The following NXN variants were observed in gnomAD, a reference collection of about 807,000 sequenced individuals.
NXN encodes the protein nucleoredoxin, also known as nucleoredoxin 1.
Under a neutral mutation model 48.6 loss-of-function variants are expected in NXN, and 16 were observed. The ratio of observed to expected loss-of-function variants is 0.33; its 90% CI spans 0.22 to 0.50. The LOEUF is 0.50. Among genes scored for constraint, NXN ranks in the 20% least tolerant of loss-of-function variants. The pLI, the probability that NXN is intolerant of heterozygous loss-of-function variation, is 0.98. For missense variants in NXN, 492 were observed against 605.5 expected (o/e 0.81, Z 1.97); for synonymous variants, 281 against 269.6 (o/e 1.04, Z -0.41).
intron 1 of NXN, among the ~76,000 whole-genome samples, chr17:865,105 T>C (rs918949605): frequency 6.6e-6 from 1 of 152,180 alleles, no homozygotes; most frequent in Admixed American, 6.5e-5. Flanking sequence ...GAAGTCATCT[T>C]TCTCGCTCGA....
At chr17:930,662 GTCCTAT>G (rs971667096) in intron 1 of NXN, among the ~76,000 whole-genome samples, 5 of 152,094 alleles carry the variant, frequency 3.3e-5, no homozygotes, top group African/African-American at 9.6e-5. Flanking sequence ...CGTTCCCAAA[GTCCTAT>G]TGAAGGATAA....
chr17:839,814 A>C (rs1459635430), intron 1 of NXN, among the ~76,000 whole-genome samples: 2 of 141,568 alleles, frequency 1.4e-5, no homozygotes, highest in Non-Finnish European at 3.1e-5. Flanking sequence ...AAAAAAAAAA[A>C]GGCCAGGCAC....
At position 979,384 on chromosome 17, in the gene NXN, G is replaced by A; in HGVS notation, c.295C>T (p.Gln99Ter). 1 of 1,526,610 alleles carries A rather than the reference G, an allele frequency of 6.6e-7. No homozygotes were observed. The highest frequency in any genetic ancestry group is 8.8e-7 in the Non-Finnish European group (1 of 1,137,852). 94.6% of individuals were successfully genotyped at this position (1,526,610 alleles called of 1,614,324 possible). A position where few individuals can be genotyped will look rare whatever the true frequency, so the allele number is the denominator to read the frequency against. ...ATGTCCCGCACGAAGTCCTGCCACT[G>A]CCGCTGGTCCTGGTCCGAGGACACG... Reference protein sequence around the residue: ...VFVSSDQDQRQWQDFVRDMPW... With the variant: ...VFVSSDQDQR The change falls in exon 1 of 8, where the codon CAG (glutamine) becomes TAG (stop). Residue 99 changes from glutamine (Q) to a stop codon, truncating the protein, a stop_gained. Transcript: ENST00000336868. LOFTEE classifies it high-confidence loss of function.
chr17:816,651 G>A lies in NXN; in HGVS notation c.820+2788C>T, dbSNP rs557771326. Among the ~76,000 whole-genome samples the A allele has an allele frequency of 1.2e-4, 19 of 152,224 alleles. No individual in the cohort carries two copies. The East Asian group carries it at 2.9e-3, about 23-fold the overall frequency. On this transcript the variant is annotated intron_variant, in intron 5 of 7. Coordinates refer to ENST00000336868, the MANE Select transcript of NXN (RefSeq NM_022463.5). Reference sequence around the variant, plus strand: ...ATCTGCACGATTAGGGTGAGTCTCCGCTCTAGACCTATACGCTCTGCAAAG... The same window carrying A: ...ATCTGCACGATTAGGGTGAGTCTCCACTCTAGACCTATACGCTCTGCAAAG...
intron 1 of NXN, chr17:878,413 G>GCAGGGGAGGGGT (rs2068242206): frequency 7.5e-6 from 1 of 134,090 alleles, no homozygotes; most frequent in African/African-American, 2.9e-5. Context: ...GGGTTTGGGG[G>GCAGGGGAGGGGT]TGGGGGAGGG....
In NXN at chr17:979,607, G is replaced by A. The variant is rs2069514379; in HGVS notation, c.72C>T (p.His24=). 1 of 1,463,096 alleles carries A rather than the reference G, an allele frequency of 6.8e-7. No individual in the cohort carries two copies. Among genetic ancestry groups the A allele is most frequent in the Middle Eastern group, 1.8e-4 (1 of 5,582 alleles). 90.6% of individuals were successfully genotyped at this position (1,463,096 alleles called of 1,614,324 possible). A position where few individuals can be genotyped will look rare whatever the true frequency, so the allele number is the denominator to read the frequency against. The change falls in exon 1 of 8, where the codon CAC becomes CAT. Residue 24 remains histidine (H), a synonymous_variant. Coordinates refer to ENST00000336868, the MANE Select transcript of NXN (RefSeq NM_022463.5). ...VTGGGEEVDV[H]SLGARGISLL... ...GCGAGATGCCGCGGGCGCCCAGCGA[G>A]TGCACGTCCACCTCCTCGCCGCCGC...
Position 955,769 on chromosome 17 carries a change from G to A in NXN, c.360+23550C>T, listed in dbSNP as rs186117798. 3.6e-4 allele frequency among the ~76,000 whole-genome samples: 55 copies of A among 152,198 alleles called. No homozygotes were observed. The East Asian group carries it at 9.8e-3, about 27-fold the overall frequency. On this transcript the variant is annotated intron_variant, in intron 1 of 7. Transcript: ENST00000336868. Reference sequence around the variant, plus strand: ...CAAAAAAAATTAGCCGGGCGTGGTGGCGGGCGCCTGTAGTCCCAGCAACTC... The same window carrying A: ...CAAAAAAAATTAGCCGGGCGTGGTGACGGGCGCCTGTAGTCCCAGCAACTC...
chr17:938,403 C>T (rs1301643341), intron 1 of NXN, among the ~76,000 whole-genome samples: 1 of 152,234 alleles, frequency 6.6e-6, no homozygotes, highest in African/African-American at 2.4e-5. Context: ...CCAGCCCGGC[C>T]GGGCGCGGCG....
In NXN at chr17:978,187, T is replaced by C. The variant is rs1304531938; in HGVS notation, c.360+1132A>G. 3 of 152,202 alleles carry C rather than the reference T, an allele frequency of 2.0e-5. No homozygotes were observed. Among genetic ancestry groups the C allele is most frequent in the African/African-American group, 7.2e-5 (3 of 41,436 alleles). The allele number at this position is 152,202 out of a possible 1,614,324, so 9.4% of individuals were successfully genotyped here. ...AAACTAAACGCCCCCAGAATAGCCC[T>C]TCTGTCCACTCCAGAAACAGGCTTT... is the stretch of plus-strand genomic sequence containing the variant. On this transcript the variant is annotated intron_variant, in intron 1 of 7. Transcript: ENST00000336868. This position sits in a 1 kb window ranked among gnomAD's most constrained non-coding sequence, Gnocchi z 4.1.
Position 841,535 on chromosome 17 carries a change from A to T in NXN, c.361-15457T>A, listed in dbSNP as rs78054018. On this transcript the variant is annotated intron_variant, in intron 1 of 7. Coordinates refer to ENST00000336868, the MANE Select transcript of NXN (RefSeq NM_022463.5). ...GGCGAGCAGGTCCCCCCGACCATGGAGCATCTCACGCCGGCGAGCAGGTCC... is the reference window on the plus strand; with the variant it reads ...GGCGAGCAGGTCCCCCCGACCATGGTGCATCTCACGCCGGCGAGCAGGTCC... Among the ~76,000 whole-genome samples, 32 of 8,036 alleles carry T rather than the reference A, an allele frequency of 4.0e-3. 4 individuals carry two copies. The highest frequency in any genetic ancestry group is 0.021 in the African/African-American group (31 of 1,496). 5.3% of individuals were successfully genotyped at this position (8,036 alleles called of 152,430 possible). A position where few individuals can be genotyped will look rare whatever the true frequency, so the allele number is the denominator to read the frequency against.
At chr17:915,124 T>C (rs554956907) in intron 1 of NXN, among the ~76,000 whole-genome samples, 1 of 151,792 alleles carries the variant, frequency 6.6e-6, no homozygotes, top group Non-Finnish European at 1.5e-5. Flanking sequence ...TTAGTAGAAA[T>C]GGGGTTTCAC....
intron 1 of NXN, among the ~76,000 whole-genome samples, chr17:860,197 C>T (rs964544002): frequency 2.6e-5 from 4 of 152,246 alleles, no homozygotes; most frequent in African/African-American, 9.6e-5. Context: ...GATCTCAGCT[C>T]ACTGCAACCT....
intron 1 of NXN, among the ~76,000 whole-genome samples, chr17:840,375 T>C (rs12952193): frequency 0.044 from 6,700 of 152,054 alleles, 260 homozygotes; most frequent in East Asian, 0.23. Context: ...AGTCTCGCTC[T>C]GCCGCCCAGG....
chr17:853,702 C>CATATATATATATATATATATATAT (rs571601948), intron 1 of NXN, among the ~76,000 whole-genome samples: 8 of 119,312 alleles, frequency 6.7e-5, no homozygotes, highest in African/African-American at 1.1e-4. Flanking sequence ...CTGTTATACA[C>CATATATATATATATATATATATAT]ATATATATAT....
chr17:852,253 A>T (rs1237862039), intron 1 of NXN, among the ~76,000 whole-genome samples: 1 of 152,152 alleles, frequency 6.6e-6, no homozygotes, highest in African/African-American at 2.4e-5. Flanking sequence ...AAGTCCCATC[A>T]GCGAGAACCT....
chr17:910,514 T>C (rs1253156503), intron 1 of NXN, among the ~76,000 whole-genome samples: 1 of 152,128 alleles, frequency 6.6e-6, no homozygotes, highest in East Asian at 1.9e-4. Flanking sequence ...ATGCATAATA[T>C]TGTCTGGAGG....
At chr17:905,650 A>C (rs2068575455) in intron 1 of NXN, among the ~76,000 whole-genome samples, 1 of 152,212 alleles carries the variant, frequency 6.6e-6, no homozygotes, top group African/African-American at 2.4e-5. Context: ...TGTAAGCCAC[A>C]TGTATCATCT....
At chr17:881,756 G>A (rs969236178) in intron 1 of NXN, among the ~76,000 whole-genome samples, 41 of 152,240 alleles carry the variant, frequency 2.7e-4, no homozygotes, top group African/African-American at 9.9e-4. Context: ...CAAGATGCTC[G>A]TCCAATGGGA....
intron 1 of NXN, among the ~76,000 whole-genome samples, chr17:904,496 C>T (rs1173159525): frequency 1.3e-5 from 2 of 152,204 alleles, no homozygotes; most frequent in Non-Finnish European, 2.9e-5. Flanking sequence ...TTTGACCCAA[C>T]ACATTCCCAT....
Sources: gnomAD v4.1 joint callset for allele counts (sites outside exome capture counted in the v4.1 genomes callset) on GRCh38, gnomAD v4.1.1 for gene constraint, Gnocchi (gnomAD v3.1) non-coding constraint, MANE v1.5 for transcripts, NCBI Gene and HGNC (gene_info 2026-07-23, HGNC 2026-07-21) for gene names.